The following RBFOX1 variants were observed in gnomAD, a reference collection of about 807,000 sequenced individuals.
RBFOX1 encodes RNA binding protein fox-1 homolog 1.
In RBFOX1, 8 loss-of-function variants were observed where a neutral mutation model predicts 57.7. The ratio of observed to expected loss-of-function variants is 0.14; its 90% CI spans 0.08 to 0.25. The LOEUF (loss-of-function observed/expected upper bound fraction) is 0.25, where lower values mean the gene tolerates loss of function less well. Among genes scored for constraint, RBFOX1 ranks in the 10% least tolerant of loss-of-function variants. The pLI, the probability that RBFOX1 is intolerant of heterozygous loss-of-function variation, is 1.00. For missense variants in RBFOX1, 611 were observed against 548.5 expected (o/e 1.11, Z -1.14); for synonymous variants, 326 against 222.4 (o/e 1.47, Z -4.15).
chr16:6,240,756 C>G (rs983841961), intron 1 of RBFOX1, among the ~76,000 whole-genome samples: 8 of 152,094 alleles, frequency 5.3e-5, no homozygotes, highest in Admixed American at 5.2e-4. Flanking sequence ...CTACTTACAA[C>G]TCAGCCACAT....
intron 11 of RBFOX1, among the ~76,000 whole-genome samples, chr16:7,646,770 C>T (rs2063817912): frequency 1.3e-5 from 2 of 152,228 alleles, no homozygotes; most frequent in African/African-American, 2.4e-5. Flanking sequence ...AGTTTATAAC[C>T]CTCAAGTATT....
chr16:5,334,689 C>G (rs375637961), intron 1 of RBFOX1, among the ~76,000 whole-genome samples: 1 of 151,752 alleles, frequency 6.6e-6, no homozygotes, highest in Non-Finnish European at 1.5e-5. Context: ...AAATACAAAA[C>G]GATTGTTCTC....
At chr16:7,232,388 T>G (rs1228042538) in intron 4 of RBFOX1, among the ~76,000 whole-genome samples, 1 of 152,184 alleles carries the variant, frequency 6.6e-6, no homozygotes, top group Non-Finnish European at 1.5e-5. Flanking sequence ...TGCCTATGTC[T>G]TTAGGTTATA....
At chr16:6,727,635 T>G (rs2067552936) in intron 3 of RBFOX1, among the ~76,000 whole-genome samples, 1 of 152,024 alleles carries the variant, frequency 6.6e-6, no homozygotes, top group Non-Finnish European at 1.5e-5. Flanking sequence ...TGGGATAGGG[T>G]CTTCTACCCC....
chr16:5,687,871 C>T (rs915445072), intron 3 of RBFOX1, among the ~76,000 whole-genome samples: 36 of 152,188 alleles, frequency 2.4e-4, no homozygotes, highest in African/African-American at 8.4e-4. Context: ...TTGGCATCCC[C>T]TGTGTACCAG....
At chr16:5,693,691 A>C (rs930354298) in intron 3 of RBFOX1, among the ~76,000 whole-genome samples, 4 of 152,164 alleles carry the variant, frequency 2.6e-5, no homozygotes, top group Non-Finnish European at 4.4e-5. Flanking sequence ...TAAATTAAAT[A>C]ATCTTAAATG....
At chr16:7,668,254 C>G (rs376634736) in intron 13 of RBFOX1, among the ~76,000 whole-genome samples, 2 of 152,282 alleles carry the variant, frequency 1.3e-5, no homozygotes, top group South Asian at 2.1e-4. Context: ...TCTGCCAAAG[C>G]ACATAGTCAT....
At chr16:7,076,762 C>A (rs1470282146) in intron 4 of RBFOX1, among the ~76,000 whole-genome samples, 1 of 152,178 alleles carries the variant, frequency 6.6e-6, no homozygotes, top group Non-Finnish European at 1.5e-5. Flanking sequence ...TATGAAATGA[C>A]CAGTTTAAAC....
At position 7,010,445 on chromosome 16, in the gene RBFOX1, G is replaced by A. The variant is rs946771122; in HGVS notation, c.-15-41612G>A. Among the ~76,000 whole-genome samples the A allele has an allele frequency of 3.9e-5, 6 of 152,166 alleles. 1 individual carries two copies. The highest frequency in any genetic ancestry group is 4.1e-4 in the South Asian group (2 of 4,828). On this transcript the variant is annotated intron_variant, in intron 3 of 15. Transcript: ENST00000550418. Reference sequence around the variant, plus strand: ...CCAGTGAGACCTCTTAGAGTTGACCGAGTCCGTGAGCATCCGAGGGGCTAG... The same window carrying A: ...CCAGTGAGACCTCTTAGAGTTGACCAAGTCCGTGAGCATCCGAGGGGCTAG...
At chr16:5,681,799 A>G (rs2050348136) in intron 3 of RBFOX1, among the ~76,000 whole-genome samples, 1 of 152,138 alleles carries the variant, frequency 6.6e-6, no homozygotes, top group African/African-American at 2.4e-5. Flanking sequence ...CTTGAGGTGG[A>G]TTAAGCTAAA....
intron 4 of RBFOX1, among the ~76,000 whole-genome samples, chr16:5,927,640 T>G (rs2058964834): frequency 6.6e-6 from 1 of 152,272 alleles, no homozygotes; most frequent in African/African-American, 2.4e-5. Flanking sequence ...AAGAGATATC[T>G]GCAGTCTCAT....
At chr16:5,665,168 C>G (rs1163901411) in intron 3 of RBFOX1, among the ~76,000 whole-genome samples, 1 of 149,666 alleles carries the variant, frequency 6.7e-6, no homozygotes, top group East Asian at 2.0e-4. Context: ...CCAGGCTGGC[C>G]TCGAACTCCT....
chr16:7,325,559 G>T (rs940367962), intron 4 of RBFOX1, among the ~76,000 whole-genome samples: 1 of 152,150 alleles, frequency 6.6e-6, no homozygotes, highest in Non-Finnish European at 1.5e-5. Flanking sequence ...CTAACTGAAA[G>T]CAGTCTCTAA....
chr16:6,642,287 CAT>C (rs932142803), intron 2 of RBFOX1, among the ~76,000 whole-genome samples: 6 of 152,300 alleles, frequency 3.9e-5, no homozygotes, highest in African/African-American at 1.4e-4. Context: ...TTATTCACCT[CAT>C]GTGAAAACAA....
At chr16:6,540,229 A>C (rs1170068300) in intron 2 of RBFOX1, among the ~76,000 whole-genome samples, 1 of 151,956 alleles carries the variant, frequency 6.6e-6, no homozygotes, top group Non-Finnish European at 1.5e-5. Flanking sequence ...TCTTGAAAGT[A>C]GGTTTTGGCC....
intron 1 of RBFOX1, among the ~76,000 whole-genome samples, chr16:5,396,417 A>T (rs2151429450): frequency 6.6e-6 from 1 of 152,186 alleles, no homozygotes; most frequent in South Asian, 2.1e-4. Flanking sequence ...GAGGCAGGTG[A>T]ACCACTTGAG....
At chr16:7,285,387 TG>T (rs2095629993) in intron 4 of RBFOX1, among the ~76,000 whole-genome samples, 3 of 151,910 alleles carry the variant, frequency 2.0e-5, no homozygotes, top group African/African-American at 7.3e-5. Context: ...ATTGTGTGTG[TG>T]TGTGTGTGTG....
intron 2 of RBFOX1, among the ~76,000 whole-genome samples, chr16:6,508,087 A>C (rs959136690): frequency 3.9e-5 from 6 of 152,216 alleles, no homozygotes; most frequent in Non-Finnish European, 8.8e-5. Flanking sequence ...GCTGGAGGTC[A>C]TTATCCTTAG....
chr16:6,195,882 T>C (rs1345312447), intron 1 of RBFOX1, among the ~76,000 whole-genome samples: 1 of 152,116 alleles, frequency 6.6e-6, no homozygotes, highest in Non-Finnish European at 1.5e-5. Flanking sequence ...TTAGGAATCA[T>C]GATCCTAACA....
Sources: allele counts gnomAD v4.1 joint callset (sites outside exome capture counted in the v4.1 genomes callset), GRCh38; gene constraint gnomAD v4.1.1; transcripts MANE v1.5; gene names NCBI Gene and HGNC (gene_info 2026-07-23, HGNC 2026-07-21).